The following CSF3R variants were observed in gnomAD, a reference collection of about 807,000 sequenced individuals.
The protein encoded by CSF3R is granulocyte colony-stimulating factor receptor.
A neutral mutation model predicts 84.4 loss-of-function variants in CSF3R; 52 were observed. The observed-to-expected ratio is 0.62, with a 90% CI of 0.49 to 0.78. The LOEUF (loss-of-function observed/expected upper bound fraction) is 0.78, where lower values mean the gene tolerates loss of function less well. Among genes scored for constraint, CSF3R ranks in the 30% least tolerant of loss-of-function variants. CSF3R has a pLI of 0.00. For synonymous variants in CSF3R, 384 were observed against 429.1 expected, an observed-to-expected ratio of 0.89 and a Z score of 1.30; for missense variants, 890 against 1,055.7, an observed-to-expected ratio of 0.84 and a Z score of 2.17.
chr1:36,468,151 A>C lies in CSF3R; in HGVS notation c.1647T>G (p.Pro549=). ...GKTWAQLEWV[P]EPPELGKSPL... ...GGCTCTTCCCCAGCTCAGGGGGCTC[A>C]GGCACCCACTCCAGCTGTGCCCAGG... The change falls in exon 13 of 17, where the codon CCT becomes CCG. Residue 549 remains proline (P), a synonymous_variant. Coordinates refer to ENST00000373106, the MANE Select transcript of CSF3R (RefSeq NM_000760.4). 6.2e-7 allele frequency: 1 copy of C among 1,613,708 alleles called. No individual in the cohort carries two copies. Among genetic ancestry groups the C allele is most frequent in the East Asian group, 2.2e-5 (1 of 44,874 alleles).
intron 1 of CSF3R, among the ~76,000 whole-genome samples, chr1:36,482,437 G>A (rs1275647582): frequency 6.6e-6 from 1 of 152,114 alleles, no homozygotes; most frequent in Non-Finnish European, 1.5e-5. Flanking sequence ...AGCTGAGGAG[G>A]AAAGATGGAA....
chr1:36,473,987 C>T, intron 4 of CSF3R, 100 bp from the exon 5 acceptor site: 1 of 1,561,594 alleles, frequency 6.4e-7, no homozygotes, highest in South Asian at 1.1e-5. Flanking sequence ...GGCTTGGTTC[C>T]TCTGTTGTCA....
chr1:36,469,507 G>T, intron 11 of CSF3R, 145 bp downstream of exon 11: 2 of 1,027,348 alleles, frequency 1.9e-6, no homozygotes, highest in East Asian at 2.4e-5. Flanking sequence ...CTGATTATGA[G>T]GATATGAAAT....
chr1:36,468,824 G>A, intron 12 of CSF3R: 1 of 332,020 alleles, frequency 3.0e-6, no homozygotes, highest in Non-Finnish European at 5.8e-6. Context: ...GCCTCCCAGA[G>A]TGTTAGGATT....
Position 36,472,675 on chromosome 1 carries a change from G to C in CSF3R, c.685C>G (p.Pro229Ala). Reference protein sequence around the residue: ...LDPMDVVKLEPPMLRTMDPSP... With the variant: ...LDPMDVVKLEAPMLRTMDPSP... Reference sequence around the variant, plus strand: ...GGGTCCATGGTCCGCAGCATGGGGGGCTCCAGTTTCACTGCAAGGAGTGGG... The same window carrying C: ...GGGTCCATGGTCCGCAGCATGGGGGCCTCCAGTTTCACTGCAAGGAGTGGG... Residue 229 changes from proline to alanine, a missense_variant, in exon 7 of 17, where the codon CCC becomes GCC. By Grantham distance (27) the Pro-to-Ala change is conservative. Transcript: ENST00000373106. The surrounding 1 kb of genome is among the most constrained non-coding windows in gnomAD (Gnocchi z 5.0). The C allele has an allele frequency of 6.3e-7, 1 of 1,598,990 alleles. No homozygotes were observed. Among genetic ancestry groups the C allele is most frequent in the South Asian group, 1.1e-5 (1 of 90,092 alleles).
chr1:36,468,310 G>A (rs1557588551), intron 12 of CSF3R, 89 bp from the exon 13 acceptor site: 1 of 1,395,706 alleles, frequency 7.2e-7, no homozygotes, highest in Non-Finnish European at 9.6e-7. Context: ...GACACTGTGG[G>A]GTGGGTGAGA....
Position 36,472,175 on chromosome 1 carries a change from G to T in CSF3R, c.998-36C>A. 2 of 1,614,082 alleles carry T rather than the reference G, an allele frequency of 1.2e-6. No homozygotes were observed. Among genetic ancestry groups the T allele is most frequent in the Non-Finnish European group, 1.7e-6 (2 of 1,179,950 alleles). On this transcript the variant is annotated intron_variant, in intron 8 of 16. Coordinates refer to ENST00000373106, the MANE Select transcript of CSF3R (RefSeq NM_000760.4). This position sits in a 1 kb window ranked among gnomAD's most constrained non-coding sequence, Gnocchi z 5.0. The stretch of plus-strand genomic sequence containing the variant: ...AACAAGAAGAGGGGGTGCCAGTTGG[G>T]GAGGGGCCTGGGGCCTGGACTGGAT...
intron 2 of CSF3R, 44 bp from the exon 3 acceptor site, chr1:36,479,560 G>A: frequency 7.0e-7 from 1 of 1,435,098 alleles, no homozygotes; most frequent in South Asian, 1.1e-5. Flanking sequence ...TTTGGAGTCA[G>A]AGCTGATCTT....
At chr1:36,468,336 A>G (rs1570580121) in intron 12 of CSF3R, 115 bp from the exon 13 acceptor site, 1 of 1,086,638 alleles carries the variant, frequency 9.2e-7, no homozygotes, top group Non-Finnish European at 1.3e-6. Context: ...GTCCAAGGGG[A>G]CTCATGCCCA....
intron 3 of CSF3R, chr1:36,477,127 T>C (rs541328456): frequency 1.3e-5 from 2 of 152,306 alleles, no homozygotes; most frequent in East Asian, 3.9e-4. Flanking sequence ...TTCATAATTA[T>C]AGAGTCTTAT....
At chr1:36,469,067 G>A in intron 12 of CSF3R, 89 bp downstream of exon 12, 1 of 948,724 alleles carries the variant, frequency 1.1e-6, no homozygotes, top group Non-Finnish European at 1.7e-6. Flanking sequence ...GGAAGGCAAT[G>A]TTCCCTATAC....
At chr1:36,469,979 C>T (rs1650604655) in intron 10 of CSF3R, 139 bp from the exon 11 acceptor site, 1 of 863,826 alleles carries the variant, frequency 1.2e-6, no homozygotes, top group South Asian at 1.4e-5. Context: ...CCTCAGTTTC[C>T]TCATCTGTAA....
chr1:36,469,886 A>C, intron 10 of CSF3R, 46 bp from the exon 11 acceptor site: 1 of 1,596,878 alleles, frequency 6.3e-7, no homozygotes, highest in Non-Finnish European at 8.5e-7. Context: ...AAAAGAATGC[A>C]GGCCCTTGAG....
rs1006984877 is a variant in CSF3R, at chr1:36,473,910, T to C, written c.362-23A>G. 5 of 1,613,364 alleles carry C rather than the reference T, an allele frequency of 3.1e-6. No homozygotes were observed. In the African/African-American group the frequency reaches 6.7e-5, roughly 22 times the overall value. ...GGTCTGCATGTGGGTGGGAAGAGTG[T>C]GAGGGCTTTGGGTGGGACCACTCAG... is the stretch of plus-strand genomic sequence containing the variant. On this transcript the variant is annotated intron_variant, in intron 4 of 16. Coordinates refer to ENST00000373106, the MANE Select transcript of CSF3R (RefSeq NM_000760.4).
Position 36,466,889 on chromosome 1 carries a change from C to T in CSF3R, c.2041-62G>A, listed in dbSNP as rs1650358156. 2.5e-6 allele frequency: 4 copies of T among 1,613,942 alleles called. No homozygotes were observed. The highest frequency in any genetic ancestry group is 2.7e-5 in the African/African-American group (2 of 74,932). On this transcript the variant is annotated intron_variant, in intron 16 of 16. Transcript: ENST00000373106. The surrounding 1 kb of genome is among the most constrained non-coding windows in gnomAD (Gnocchi z 4.6). ...TTCAGATGTCTGCCCCAGCCACTGT[C>T]CCTGTCTGGGTCCGGGCAGCTGTGG...
In CSF3R at chr1:36,479,490, T is replaced by G; in HGVS notation, c.7A>C (p.Arg3=). The G allele has an allele frequency of 6.2e-7, 1 of 1,614,228 alleles. No individual in the cohort carries two copies. The highest frequency in any genetic ancestry group is 8.5e-7 in the Non-Finnish European group (1 of 1,180,032). ...CAAGTCAGGCTGCAGTTTCCCAGCC[T>G]TGCCATAGCACCAACTTGATGTTCA... is the stretch of plus-strand genomic sequence containing the variant. MA[R]LGNCSLTWAA... Residue 3 remains arginine (R), a synonymous_variant, in exon 3 of 17, where the codon AGG becomes CGG. Coordinates refer to ENST00000373106, the MANE Select transcript of CSF3R (RefSeq NM_000760.4).
chr1:36,466,558 A>T lies in CSF3R; in HGVS notation c.2310T>A (p.Cys770Ter). Reference sequence around the variant, plus strand: ...CCGCCAAGAGGGGCTGAGTGGAGTCACAGCGGAGATAGTGCCCTGGCCCTG... The same window carrying T: ...CCGCCAAGAGGGGCTGAGTGGAGTCTCAGCGGAGATAGTGCCCTGGCCCTG... Reference protein sequence around the residue: ...TSPGPGHYLRCDSTQPLLAGL... With the variant: ...TSPGPGHYLR The change falls in exon 17 of 17, where the codon TGT becomes TGA. Residue 770 changes from cysteine to a stop codon, truncating the protein, a stop_gained. Transcript: ENST00000373106. LOFTEE classifies it high-confidence loss of function. The surrounding 1 kb of genome is among the most constrained non-coding windows in gnomAD (Gnocchi z 4.6). 6.2e-7 allele frequency: 1 copy of T among 1,609,808 alleles called. No homozygotes were observed. The highest frequency in any genetic ancestry group is 8.5e-7 in the Non-Finnish European group (1 of 1,177,082).
chr1:36,471,812 A>C, intron 9 of CSF3R, 166 bp from the exon 10 acceptor site: 1 of 744,564 alleles, frequency 1.3e-6, no homozygotes, highest in Non-Finnish European at 2.2e-6. Context: ...GCTAGGTTCT[A>C]GGAAGGAGGG....
intron 3 of CSF3R, chr1:36,479,230 C>T (rs1651367897): frequency 2.9e-5 from 19 of 655,370 alleles, no homozygotes; most frequent in South Asian, 9.9e-5. Context: ...CAGCCCGGGT[C>T]GTCTCACCAT....
Sources: gnomAD v4.1 joint callset for allele counts (sites outside exome capture counted in the v4.1 genomes callset) on GRCh38, gnomAD v4.1.1 for gene constraint, Gnocchi (gnomAD v3.1) non-coding constraint, MANE v1.5 for transcripts, NCBI Gene and HGNC (gene_info 2026-07-23, HGNC 2026-07-21) for gene names.